Variants in KCNQ1 observed in about 807,000 individuals in gnomAD.
The protein encoded by KCNQ1 is potassium voltage-gated channel subfamily Q member 1.
A neutral mutation model predicts 72.4 loss-of-function variants in KCNQ1; 49 were observed. The observed-to-expected ratio is 0.68, with a 90% CI of 0.54 to 0.86. The LOEUF (loss-of-function observed/expected upper bound fraction) is 0.86, where lower values mean the gene tolerates loss of function less well. Ranked by LOEUF, KCNQ1 falls within the 40% of genes least tolerant of loss-of-function variation. KCNQ1 has a pLI of 0.00. For missense variants in KCNQ1, 790 were observed against 945.1 expected, an observed-to-expected ratio of 0.84 and a Z score of 2.15; for synonymous variants, 450 against 412.6, an observed-to-expected ratio of 1.09 and a Z score of -1.10.
intron 10 of KCNQ1, chr11:2,619,263 T>C (rs910822462): frequency 5.0e-6 from 2 of 398,402 alleles, no homozygotes; most frequent in Admixed American, 8.8e-5. Context: ...TGGTTCATAG[T>C]AGAAGGGCTT....
intron 11 of KCNQ1, among the ~76,000 whole-genome samples, chr11:2,717,857 C>T (rs1170092811): frequency 6.6e-6 from 1 of 152,186 alleles, no homozygotes; most frequent in African/African-American, 2.4e-5. Context: ...CCCCTCTCCC[C>T]CGATGGCCCA....
chr11:2,633,628 T>A, intron 10 of KCNQ1: 1 of 398,592 alleles, frequency 2.5e-6, no homozygotes, highest in Non-Finnish European at 4.4e-6. Flanking sequence ...TGGTGTCCTT[T>A]CCCCAGAGTG....
chr11:2,606,465 G>C (rs1458655512), intron 10 of KCNQ1, among the ~76,000 whole-genome samples: 1 of 152,136 alleles, frequency 6.6e-6, no homozygotes, highest in Non-Finnish European at 1.5e-5. Flanking sequence ...TTTATGCTAA[G>C]AGCTGGTTGT....
rs933651843 is a variant in KCNQ1, at chr11:2,671,745, C to T, written c.1514+9664C>T. On this transcript the variant is annotated intron_variant, in intron 11 of 15. Coordinates refer to ENST00000155840, the MANE Select transcript of KCNQ1 (RefSeq NM_000218.3). The surrounding 1 kb of genome is among the most constrained non-coding windows in gnomAD (Gnocchi z 4.7). ...GCAAGGCTTTTCAGAGAACAAGGAG[C>T]TACATACACATACATGCATGCACAT... 8.3e-5 allele frequency: 33 copies of T among 398,558 alleles called. No individual in the cohort carries two copies. The highest frequency in any genetic ancestry group is 6.2e-4 in the African/African-American group (30 of 48,620). 24.7% of individuals were successfully genotyped at this position (398,558 alleles called of 1,614,324 possible).
At position 2,507,596 on chromosome 11, in the gene KCNQ1, T is replaced by C. The variant is rs1386619705; in HGVS notation, c.387-20332T>C. ...ATGGGTCAGGGTTGGGGCGAAGGAG[T>C]CCAGCTGGGGACATGTTATTTTGGA... On this transcript the variant is annotated intron_variant, in intron 1 of 15. Transcript: ENST00000155840. This position sits in a 1 kb window ranked among gnomAD's most constrained non-coding sequence, Gnocchi z 5.4. 6.6e-6 allele frequency among the ~76,000 whole-genome samples: 1 copy of C among 151,534 alleles called. No homozygotes were observed.
chr11:2,814,888 G>C (rs943827756), intron 15 of KCNQ1, among the ~76,000 whole-genome samples: 2 of 152,214 alleles, frequency 1.3e-5, no homozygotes, highest in African/African-American at 4.8e-5. Context: ...TACTGTTGGA[G>C]CTTCCTGGTC....
chr11:2,495,033 T>C lies in KCNQ1; in HGVS notation c.387-32895T>C, dbSNP rs1846887765. On this transcript the variant is annotated intron_variant, in intron 1 of 15. Transcript: ENST00000155840. The surrounding 1 kb of genome is among the most constrained non-coding windows in gnomAD (Gnocchi z 4.6). ...AATTTCAGAACTTGTTGTTGGTCTATTCAGGGATTCGACTTTTTCCTGGTT... is the reference window on the plus strand; with the variant it reads ...AATTTCAGAACTTGTTGTTGGTCTACTCAGGGATTCGACTTTTTCCTGGTT... 1.3e-5 allele frequency among the ~76,000 whole-genome samples: 2 copies of C among 152,188 alleles called. No individual in the cohort carries two copies.
In KCNQ1 at chr11:2,601,749, C is replaced by G. The variant is rs1196080597; in HGVS notation, c.1393+12895C>G. On this transcript the variant is annotated intron_variant, in intron 10 of 15. Transcript: ENST00000155840. This position sits in a 1 kb window ranked among gnomAD's most constrained non-coding sequence, Gnocchi z 5.2. Reference sequence around the variant, plus strand: ...CCGGTTGTTTTGTATCGCGACAGTTCATTAAATCATAGTGCTGAGTGGAGT... The same window carrying G: ...CCGGTTGTTTTGTATCGCGACAGTTGATTAAATCATAGTGCTGAGTGGAGT... Among the ~76,000 whole-genome samples the G allele has an allele frequency of 6.6e-6, 1 of 152,178 alleles. No individual in the cohort carries two copies. Among genetic ancestry groups the G allele is most frequent in the Non-Finnish European group, 1.5e-5 (1 of 68,048 alleles).
In KCNQ1 at chr11:2,445,105, G is replaced by A; in HGVS notation, c.7G>A (p.Ala3Thr). Reference sequence around the variant, plus strand: ...CCGGCAGGCCCTCCTCGTTATGGCCGCGGCCTCCTCCCCGCCCAGGGCCGA... The same window carrying A: ...CCGGCAGGCCCTCCTCGTTATGGCCACGGCCTCCTCCCCGCCCAGGGCCGA... MA[A>T]ASSPPRAERK... is the part of the protein sequence containing the mutation. Residue 3 changes from alanine to threonine, a missense_variant, in exon 1 of 16, where the codon GCG becomes ACG. Around this residue, in one of 5 missense-constraint regions of KCNQ1, gnomAD observed 294 missense variants for 323.3 expected, o/e 0.91. Transcript: ENST00000155840. 1.8e-6 allele frequency: 2 copies of A among 1,088,652 alleles called. No homozygotes were observed. The highest frequency in any genetic ancestry group is 4.0e-5 in the South Asian group (1 of 25,270). 67.4% of individuals were successfully genotyped at this position (1,088,652 alleles called of 1,614,324 possible).
In KCNQ1 at chr11:2,451,588, C is replaced by T. The variant is rs752506664; in HGVS notation, c.386+6104C>T. On this transcript the variant is annotated intron_variant, in intron 1 of 15. Transcript: ENST00000155840. This position sits in a 1 kb window ranked among gnomAD's most constrained non-coding sequence, Gnocchi z 6.4. ...CCAGCAGAAAGGCTCCCAGGAGGGT[C>T]GTGGCTCCCTCATCGGCACCGGACT... Among the ~76,000 whole-genome samples the T allele has an allele frequency of 1.3e-5, 2 of 152,172 alleles. No homozygotes were observed. Among genetic ancestry groups the T allele is most frequent in the African/African-American group, 2.4e-5 (1 of 41,434 alleles).
intron 1 of KCNQ1, among the ~76,000 whole-genome samples, chr11:2,513,170 T>C (rs985351961): frequency 3.3e-5 from 5 of 152,096 alleles, no homozygotes; most frequent in African/African-American, 9.7e-5. Context: ...GTGCAGGGAC[T>C]CCCCCACCCT....
intron 11 of KCNQ1, among the ~76,000 whole-genome samples, chr11:2,736,977 C>T (rs1845969422): frequency 6.6e-6 from 1 of 152,224 alleles, no homozygotes; most frequent in Non-Finnish European, 1.5e-5. Context: ...CACCGCCTGC[C>T]TTCCCAAGAC....
rs537114529 is a variant in KCNQ1 at position 2,615,503 on chromosome 11, GT to G, written c.1393+26657del. The G allele has an allele frequency of 1.4e-3, 563 of 397,622 alleles. 1 individual carries two copies. The highest frequency in any genetic ancestry group is 0.01 in the African/African-American group (491 of 48,602). 24.6% of individuals were successfully genotyped at this position (397,622 alleles called of 1,614,324 possible). A position where few individuals can be genotyped will look rare whatever the true frequency, so the allele number is the denominator to read the frequency against. The stretch of plus-strand genomic sequence containing the variant: ...TCTTTGTTATGGGAGAAATTTTTCA[GT>G]TTTTTTTCTCATTAAGTATATTAGT... On this transcript the variant is annotated intron_variant, in intron 10 of 15. Transcript: ENST00000155840.
rs1225731200 is a variant in KCNQ1, at chr11:2,762,281, T to A, written c.1515-6563T>A. 6.6e-6 allele frequency among the ~76,000 whole-genome samples: 1 copy of A among 152,140 alleles called. No homozygotes were observed. Among genetic ancestry groups the A allele is most frequent in the African/African-American group, 2.4e-5 (1 of 41,416 alleles). ...TACTGTTTGCGTTCCTTTAAAGACG[T>A]CTTTGCCCATCCCAGGTCGTGAAAA... On this transcript the variant is annotated intron_variant, in intron 11 of 15. Transcript: ENST00000155840. The surrounding 1 kb of genome is among the most constrained non-coding windows in gnomAD (Gnocchi z 4.3).
intron 15 of KCNQ1, among the ~76,000 whole-genome samples, chr11:2,831,626 C>T (rs931525776): frequency 7.3e-5 from 11 of 151,636 alleles, no homozygotes; most frequent in Middle Eastern, 3.4e-3. Context: ...CTCTCTCCCC[C>T]GCTTCCTTCC....
In KCNQ1 at chr11:2,679,321, C is replaced by G. The variant is rs1850347087; in HGVS notation, c.1514+17240C>G. ...CTAATAACAGGGTCTGGAGTCTGAA[C>G]TCATATCCTAATTCCACTACTTTCT... On this transcript the variant is annotated intron_variant, in intron 11 of 15. Coordinates refer to ENST00000155840, the MANE Select transcript of KCNQ1 (RefSeq NM_000218.3). This position sits in a 1 kb window ranked among gnomAD's most constrained non-coding sequence, Gnocchi z 4.8. 2 of 398,528 alleles carry G rather than the reference C, an allele frequency of 5.0e-6. No homozygotes were observed. Among genetic ancestry groups the G allele is most frequent in the Admixed American group, 8.8e-5 (2 of 22,708 alleles). The allele number at this position is 398,528 out of a possible 1,614,324, so 24.7% of individuals were successfully genotyped here. A position where few individuals can be genotyped will look rare whatever the true frequency, so the allele number is the denominator to read the frequency against.
In KCNQ1 at chr11:2,544,598, T is replaced by TA. The variant is rs1352544570; in HGVS notation, c.477+16581dup. 2.6e-5 allele frequency among the ~76,000 whole-genome samples: 4 copies of TA among 152,184 alleles called. No individual in the cohort carries two copies. The highest frequency in any genetic ancestry group is 6.5e-5 in the Admixed American group (1 of 15,282). ...AGGTACCTAAGTGTTTCATATTTTT[T>TA]ATGCTATGGTCAATGGTATTTCTTC... On this transcript the variant is annotated intron_variant, in intron 2 of 15. Transcript: ENST00000155840. This position sits in a 1 kb window ranked among gnomAD's most constrained non-coding sequence, Gnocchi z 4.4.
rs1046259709 is a variant in KCNQ1, at chr11:2,824,599, G to A, written c.1795-23168G>A. Among the ~76,000 whole-genome samples the A allele has an allele frequency of 6.6e-6, 1 of 152,164 alleles. No homozygotes were observed. The highest frequency in any genetic ancestry group is 2.4e-5 in the African/African-American group (1 of 41,426). On this transcript the variant is annotated intron_variant, in intron 15 of 15. Coordinates refer to ENST00000155840, the MANE Select transcript of KCNQ1 (RefSeq NM_000218.3). This position sits in a 1 kb window ranked among gnomAD's most constrained non-coding sequence, Gnocchi z 5.9. ...CATGGAGGTGGTACCTGAAGAAGGG[G>A]TGTGGATGAGGTTGCCTGGCAAGAG...
Position 2,777,173 on chromosome 11 carries a change from T to C in KCNQ1, c.1732+141T>C, listed in dbSNP as rs184000174. 126 of 839,214 alleles carry C rather than the reference T, an allele frequency of 1.5e-4. No homozygotes were observed. In the East Asian group the frequency reaches 3.3e-3, roughly 22 times the overall value. The allele number at this position is 839,214 out of a possible 1,614,324, so 52.0% of individuals were successfully genotyped here. A position where few individuals can be genotyped will look rare whatever the true frequency, so the allele number is the denominator to read the frequency against. The stretch of plus-strand genomic sequence containing the variant: ...ATGACATGAAATGAAAGCCAGGGAG[T>C]AAGGGGAGGTAGACCCCACCCTTAG... On this transcript the variant is annotated intron_variant, in intron 14 of 15. Transcript: ENST00000155840.
Sources: gnomAD v4.1 joint callset for allele counts (sites outside exome capture counted in the v4.1 genomes callset) on GRCh38, gnomAD v4.1.1 for gene constraint, gnomAD v4.1.1 regional missense constraint, Gnocchi (gnomAD v3.1) non-coding constraint, MANE v1.5 for transcripts, NCBI Gene and HGNC (gene_info 2026-07-23, HGNC 2026-07-21) for gene names.